Variants in MGAT5 observed in about 807,000 individuals in gnomAD.
The protein encoded by MGAT5 is alpha-1,6-mannosylglycoprotein 6-beta-N-acetylglucosaminyltransferase A.
MGAT5 carries 30 observed loss-of-function variants against 94.3 expected under a neutral mutation model. The ratio of observed to expected loss-of-function variants is 0.32; its 90% confidence interval spans 0.24 to 0.43. The LOEUF (loss-of-function observed/expected upper bound fraction) is 0.43, where lower values mean the gene tolerates loss of function less well. Among genes scored for constraint, MGAT5 ranks in the 20% least tolerant of loss-of-function variants. The pLI is 1.00. For missense variants in MGAT5, 691 were observed against 905.5 expected (o/e 0.76, Z 3.04); for synonymous variants, 310 against 322.9 (o/e 0.96, Z 0.43).
At chr2:134,406,045 C>G (rs1015641047) in intron 11 of MGAT5, among the ~76,000 whole-genome samples, 1 of 152,334 alleles carries the variant, frequency 6.6e-6, no homozygotes, top group South Asian at 2.1e-4. Context: ...CCAGCAAACC[C>G]CAGGAGTGCA....
exon 1 of MGAT5, chr2:134,120,206 T>C (rs1395903773): frequency 3.3e-6 from 1 of 301,568 alleles, no homozygotes; most frequent in Non-Finnish European, 6.1e-6. Flanking sequence ...CGCCGCAGGC[T>C]CGGGGCGTCG....
chr2:134,254,777 C>G, intron 1 of MGAT5, 133 bp downstream of exon 1: 1 of 1,250,554 alleles, frequency 8.0e-7, no homozygotes, highest in Non-Finnish European at 1.1e-6. Context: ...GAATTGCACA[C>G]AGAGAGGCAT....
chr2:134,219,502 T>A (rs1680651266), intron 1 of MGAT5, among the ~76,000 whole-genome samples: 1 of 152,158 alleles, frequency 6.6e-6, no homozygotes, highest in Non-Finnish European at 1.5e-5. Context: ...CCTAATGCTT[T>A]TTCCTCACCA....
chr2:134,428,846 T>C (rs1684730105), intron 14 of MGAT5, among the ~76,000 whole-genome samples: 1 of 152,240 alleles, frequency 6.6e-6, no homozygotes. Context: ...TTTTAGAGGT[T>C]TTCAGACATC....
chr2:134,221,631 G>A (rs1680777191), intron 1 of MGAT5, among the ~76,000 whole-genome samples: 1 of 152,154 alleles, frequency 6.6e-6, no homozygotes, highest in Admixed American at 6.5e-5. Flanking sequence ...TTTGCAGGAC[G>A]ATTTCAAGGT....
intron 14 of MGAT5, among the ~76,000 whole-genome samples, chr2:134,429,782 A>G (rs747729567): frequency 1.3e-5 from 2 of 152,256 alleles, no homozygotes; most frequent in African/African-American, 2.4e-5. Context: ...TGACAGTATC[A>G]TCACAACTCT....
chr2:134,310,100 T>C (rs1027812748), intron 2 of MGAT5, among the ~76,000 whole-genome samples: 1 of 152,198 alleles, frequency 6.6e-6, no homozygotes, highest in African/African-American at 2.4e-5. Flanking sequence ...TTGAGTTCCA[T>C]TATGTCCATA....
rs552537253 is a variant in MGAT5, at chr2:134,372,576, A to G, written c.1380+10168A>G. Among the ~76,000 whole-genome samples, 9 of 152,350 alleles carry G rather than the reference A, an allele frequency of 5.9e-5. No homozygotes were observed. The South Asian group carries it at 1.9e-3, about 32-fold the overall frequency. On this transcript the variant is annotated intron_variant, in intron 10 of 15. Transcript: ENST00000281923. ...CTTTAGGATAAGTCATACTCTTCTCAGTGTCCCTCCTTTCCTGTGACCTTT... is the reference window on the plus strand; with the variant it reads ...CTTTAGGATAAGTCATACTCTTCTCGGTGTCCCTCCTTTCCTGTGACCTTT...
In MGAT5 at chr2:134,362,133, C is replaced by T. The variant is rs553722105; in HGVS notation, c.1247-142C>T. The T allele has an allele frequency of 8.5e-6, 8 of 940,602 alleles. No individual in the cohort carries two copies. The East Asian group carries it at 1.9e-4, about 23-fold the overall frequency. 58.3% of individuals were successfully genotyped at this position (940,602 alleles called of 1,614,324 possible). On this transcript the variant is annotated intron_variant, in intron 9 of 15. Transcript: ENST00000281923. ...ATGTGTGGGAGAGATGACAATCCCT[C>T]ACCTCCCTCAGGTAAGAAAGAACAG...
At chr2:134,240,791 T>C (rs1342309924) in intron 1 of MGAT5, among the ~76,000 whole-genome samples, 2 of 152,246 alleles carry the variant, frequency 1.3e-5, no homozygotes, top group Non-Finnish European at 2.9e-5. Flanking sequence ...GTTATAGTCA[T>C]TTTGTCTTTT....
intron 9 of MGAT5, among the ~76,000 whole-genome samples, chr2:134,356,124 C>T (rs1043418813): frequency 6.6e-6 from 1 of 152,172 alleles, no homozygotes; most frequent in African/African-American, 2.4e-5. Context: ...TGAAGACACA[C>T]AAGAATTTGC....
At chr2:134,165,707 G>A (rs1264313081) in intron 1 of MGAT5, among the ~76,000 whole-genome samples, 2 of 151,970 alleles carry the variant, frequency 1.3e-5, no homozygotes, top group East Asian at 3.9e-4. Flanking sequence ...CCCGGGAGGC[G>A]GAGCTTGCAG....
chr2:134,197,027 G>T (rs1393787460), intron 1 of MGAT5, among the ~76,000 whole-genome samples: 1 of 152,184 alleles, frequency 6.6e-6, no homozygotes, highest in Non-Finnish European at 1.5e-5. Flanking sequence ...ACAGTTCAAT[G>T]ATTTCTTAAT....
chr2:134,248,861 T>G (rs1682429794), intron 1 of MGAT5, among the ~76,000 whole-genome samples: 1 of 152,150 alleles, frequency 6.6e-6, no homozygotes, highest in African/African-American at 2.4e-5. Flanking sequence ...GGATGTTGGA[T>G]GGCCACCTGG....
chr2:134,389,153 T>C (rs971695877), intron 10 of MGAT5, among the ~76,000 whole-genome samples: 1 of 152,184 alleles, frequency 6.6e-6, no homozygotes, highest in East Asian at 1.9e-4. Flanking sequence ...TTATCTTGCT[T>C]TTTTCTTCAT....
At chr2:134,179,996 T>A (rs922781255) in intron 1 of MGAT5, among the ~76,000 whole-genome samples, 7 of 152,206 alleles carry the variant, frequency 4.6e-5, no homozygotes, top group African/African-American at 1.7e-4. Context: ...ATGCATTGCA[T>A]GCTAAAAGAC....
chr2:134,153,558 C>G lies in MGAT5; in HGVS notation c.-143+33267C>G, dbSNP rs1050749375. On this transcript the variant is annotated intron_variant, in intron 1 of 16. Coordinates refer to the MGAT5 transcript ENST00000409645. ...AAGAAATAAAACCCTTCATTGAACTCGATGGTCTCCCTGAAGAGGCTGGAA... is the reference window on the plus strand; with the variant it reads ...AAGAAATAAAACCCTTCATTGAACTGGATGGTCTCCCTGAAGAGGCTGGAA... 9.9e-5 allele frequency among the ~76,000 whole-genome samples: 15 copies of G among 152,252 alleles called. No individual in the cohort carries two copies. In the East Asian group the frequency reaches 2.9e-3, roughly 29 times the overall value.
chr2:134,402,220 C>T (rs762547117), intron 10 of MGAT5, among the ~76,000 whole-genome samples: 4 of 152,202 alleles, frequency 2.6e-5, no homozygotes, highest in Non-Finnish European at 4.4e-5. Context: ...GGTGAACTTG[C>T]TTCCACTTCA....
At chr2:134,269,543 G>C (rs924016539) in intron 1 of MGAT5, among the ~76,000 whole-genome samples, 1 of 152,168 alleles carries the variant, frequency 6.6e-6, no homozygotes. Context: ...ATATCTTTCT[G>C]TGATTATGAA....
Sources: allele counts gnomAD v4.1 joint callset (sites outside exome capture counted in the v4.1 genomes callset), GRCh38; gene constraint gnomAD v4.1.1; transcripts MANE v1.5; gene names NCBI Gene and HGNC (gene_info 2026-07-23, HGNC 2026-07-21).